Variants in TRAPPC9 observed in about 807,000 individuals in gnomAD.
TRAPPC9 encodes the protein trafficking protein particle complex subunit 9.
Under a neutral mutation model 124.0 loss-of-function variants are expected in TRAPPC9, and 83 were observed. That is an observed-to-expected ratio of 0.67 (90% CI 0.56 to 0.80). The LOEUF (loss-of-function observed/expected upper bound fraction) is 0.80. TRAPPC9 is among the 30% of genes least tolerant of loss of function. TRAPPC9 has a pLI of 0.00. For missense variants in TRAPPC9, 1,302 were observed against 1,508.3 expected (o/e 0.86, Z 2.27); for synonymous variants, 638 against 617.5 (o/e 1.03, Z -0.49).
Position 140,072,674 on chromosome 8 carries a change from T to C in TRAPPC9, c.2557-48595A>G, listed in dbSNP as rs537328709. Among the ~76,000 whole-genome samples, 3 of 152,060 alleles carry C rather than the reference T, an allele frequency of 2.0e-5. No homozygotes were observed. The East Asian group carries it at 5.8e-4, about 29-fold the overall frequency. ...ACAGATATACACTAGGAGAACGTAT[T>C]ATATCTATATATTCAATGCATATAT... On this transcript the variant is annotated intron_variant, in intron 17 of 22. Coordinates refer to ENST00000438773, the MANE Select transcript of TRAPPC9 (RefSeq NM_001160372.4).
intron 21 of TRAPPC9, among the ~76,000 whole-genome samples, chr8:139,758,132 C>T (rs915243005): frequency 1.3e-5 from 2 of 152,184 alleles, no homozygotes; most frequent in Non-Finnish European, 2.9e-5. Flanking sequence ...CCCGTGACAG[C>T]GGGGAGGCCA....
chr8:140,410,773 G>A (rs1489402090), intron 5 of TRAPPC9, among the ~76,000 whole-genome samples: 2 of 151,884 alleles, frequency 1.3e-5, no homozygotes, highest in Non-Finnish European at 2.9e-5. Context: ...AACACAGGAG[G>A]CAGAGCTTGC....
chr8:139,841,107 A>G (rs1056472114), intron 21 of TRAPPC9, among the ~76,000 whole-genome samples: 3 of 152,194 alleles, frequency 2.0e-5, no homozygotes, highest in Non-Finnish European at 4.4e-5. Flanking sequence ...CCAGGGAAAC[A>G]TCTACCCCTC....
chr8:140,303,943 T>A (rs912771166), intron 10 of TRAPPC9, among the ~76,000 whole-genome samples: 6 of 152,174 alleles, frequency 3.9e-5, no homozygotes, highest in African/African-American at 1.4e-4. Flanking sequence ...TGTTTAACGA[T>A]TCTATATAGC....
intron 17 of TRAPPC9, among the ~76,000 whole-genome samples, chr8:140,210,205 C>A (rs913382290): frequency 5.9e-5 from 9 of 152,208 alleles, no homozygotes; most frequent in Non-Finnish European, 1.3e-4. Context: ...TGGCCCAGGG[C>A]CGAGCCTGCC....
Position 139,785,128 on chromosome 8 carries a change from T to C in TRAPPC9, c.3056-52926A>G, listed in dbSNP as rs141581993. Among the ~76,000 whole-genome samples the C allele has an allele frequency of 1.6e-3, 241 of 152,314 alleles. 1 individual carries two copies. The highest frequency in any genetic ancestry group is 5.6e-3 in the African/African-American group (231 of 41,564). On this transcript the variant is annotated intron_variant, in intron 21 of 22. Coordinates refer to ENST00000438773, the MANE Select transcript of TRAPPC9 (RefSeq NM_001160372.4). ...TAGTCCAGAAATAGATCTGCACATA[T>C]ACGGACAAATGATGTTTGACAAATA...
intron 19 of TRAPPC9, among the ~76,000 whole-genome samples, chr8:139,948,248 AACACAC>A (rs141771160): frequency 0.031 from 4,484 of 144,646 alleles, 153 homozygotes; most frequent in African/African-American, 0.087. Context: ...TGGTTCATAA[AACACAC>A]ACACACACAC....
intron 9 of TRAPPC9, among the ~76,000 whole-genome samples, chr8:140,337,522 T>C (rs1202970610): frequency 6.6e-6 from 1 of 152,104 alleles, no homozygotes; most frequent in Non-Finnish European, 1.5e-5. Context: ...GATCAGGACT[T>C]GTCAATCCAG....
chr8:140,225,771 G>C (rs7825674), intron 16 of TRAPPC9, among the ~76,000 whole-genome samples: 90,463 of 151,784 alleles, frequency 0.6, 30,353 homozygotes, highest in East Asian at 0.99. Flanking sequence ...CATCTCATCT[G>C]TGTGTGTGTC....
chr8:140,043,993 A>G (rs1381134377), intron 17 of TRAPPC9, among the ~76,000 whole-genome samples: 1 of 152,166 alleles, frequency 6.6e-6, no homozygotes, highest in Non-Finnish European at 1.5e-5. Context: ...CCTGCAGGTA[A>G]GCAGACCGCC....
chr8:139,814,369 G>A (rs1046286418), intron 21 of TRAPPC9, among the ~76,000 whole-genome samples: 2 of 152,198 alleles, frequency 1.3e-5, no homozygotes, highest in Non-Finnish European at 2.9e-5. Flanking sequence ...AAGCTGTCAG[G>A]AAATGGGGGA....
In TRAPPC9 at chr8:139,730,967, G is replaced by C; in HGVS notation, c.*94C>G. On this transcript the variant is annotated 3_prime_UTR_variant, in exon 23 of 23. Transcript: ENST00000438773. The stretch of plus-strand genomic sequence containing the variant: ...GGTCTGGGGGAGGAGGAGGAGATGG[G>C]GCTGCAGTGAAGGCCTTGCTCATTG... 1 of 1,374,866 alleles carries C rather than the reference G, an allele frequency of 7.3e-7. No homozygotes were observed. Among genetic ancestry groups the C allele is most frequent in the Admixed American group, 1.9e-5 (1 of 51,704 alleles). 85.2% of individuals were successfully genotyped at this position (1,374,866 alleles called of 1,614,324 possible).
intron 16 of TRAPPC9, among the ~76,000 whole-genome samples, chr8:140,228,945 C>T (rs1290724408): frequency 1.3e-5 from 2 of 152,148 alleles, no homozygotes; most frequent in African/African-American, 2.4e-5. Context: ...CTCCCAGCAG[C>T]AAGGGAAGTC....
chr8:140,357,358 T>C (rs1201941699), intron 9 of TRAPPC9, among the ~76,000 whole-genome samples: 1 of 151,964 alleles, frequency 6.6e-6, no homozygotes, highest in Non-Finnish European at 1.5e-5. Context: ...CACTGACGGC[T>C]CAGGCGAAGG....
intron 21 of TRAPPC9, among the ~76,000 whole-genome samples, chr8:139,820,369 C>T (rs534656771): frequency 1.2e-4 from 18 of 152,142 alleles, no homozygotes; most frequent in East Asian, 1.9e-4. Context: ...TTAGTAGAGA[C>T]GGGGTTCCAC....
Position 140,319,593 on chromosome 8 carries a change from G to A in TRAPPC9, c.1496-8219C>T, listed in dbSNP as rs141310744. 4.5e-4 allele frequency among the ~76,000 whole-genome samples: 69 copies of A among 152,126 alleles called. No homozygotes were observed. In the East Asian group the frequency reaches 0.013, roughly 29 times the overall value. ...GCGATCCTCCCACCTCAGCCTACCG[G>A]ATAGCTGGGACTACAGGTGTGCACC... On this transcript the variant is annotated intron_variant, in intron 9 of 22. Coordinates refer to ENST00000438773, the MANE Select transcript of TRAPPC9 (RefSeq NM_001160372.4).
chr8:139,888,239 C>T (rs1830132137), intron 20 of TRAPPC9, among the ~76,000 whole-genome samples: 1 of 152,248 alleles, frequency 6.6e-6, no homozygotes, highest in African/African-American at 2.4e-5. Context: ...ACTGGCTCTG[C>T]TCCCTCTCTT....
At chr8:140,334,423 G>A (rs2066980644) in intron 9 of TRAPPC9, among the ~76,000 whole-genome samples, 5 of 152,148 alleles carry the variant, frequency 3.3e-5, no homozygotes, top group Admixed American at 3.3e-4. Context: ...GCCAAGGCAG[G>A]AGGATCACTT....
chr8:140,435,534 TA>T (rs1254939840), intron 3 of TRAPPC9, among the ~76,000 whole-genome samples: 1 of 152,212 alleles, frequency 6.6e-6, no homozygotes, highest in Non-Finnish European at 1.5e-5. Flanking sequence ...ACTGCACACG[TA>T]AAACAGGCCA....
Sources: allele counts gnomAD v4.1 joint callset (sites outside exome capture counted in the v4.1 genomes callset), GRCh38; gene constraint gnomAD v4.1.1; transcripts MANE v1.5; gene names NCBI Gene and HGNC (gene_info 2026-07-23, HGNC 2026-07-21).